Variants in SZT2 observed in about 807,000 individuals in gnomAD.
SZT2 encodes KICSTOR complex protein SZT2.
SZT2 carries 216 observed loss-of-function variants against 404.2 expected under a neutral mutation model. The observed-to-expected ratio is 0.53, with a 90% CI of 0.48 to 0.60. The LOEUF (loss-of-function observed/expected upper bound fraction) is 0.60, where lower values mean the gene tolerates loss of function less well. Ranked by LOEUF, SZT2 falls within the 20% of genes least tolerant of loss-of-function variation. The pLI is 0.00. For synonymous variants in SZT2, 1,693 were observed against 1,749.9 expected (o/e 0.97, Z 0.81); for missense variants, 3,857 against 4,459.2 (o/e 0.86, Z 3.85).
rs1655126993 is a variant in SZT2, at chr1:43,442,142, G to T, written c.7873+12G>T. On this transcript the variant is annotated intron_variant, in intron 56 of 71. Coordinates refer to ENST00000634258, the MANE Select transcript of SZT2 (RefSeq NM_001365999.1). This position sits in a 1 kb window ranked among gnomAD's most constrained non-coding sequence, Gnocchi z 4.5. The stretch of plus-strand genomic sequence containing the variant: ...ACCAACACAGCAGGGTGAGGGCATG[G>T]CCCGGGGGGGCGGGGGGCGGGTAGG... 9.9e-7 allele frequency: 1 copy of T among 1,007,310 alleles called. No homozygotes were observed. Among genetic ancestry groups the T allele is most frequent in the East Asian group, 4.7e-5 (1 of 21,220 alleles). The allele number at this position is 1,007,310 out of a possible 1,614,324, so 62.4% of individuals were successfully genotyped here. A position where few individuals can be genotyped will look rare whatever the true frequency, so the allele number is the denominator to read the frequency against.
intron 13 of SZT2, 38 bp downstream of exon 13, chr1:43,422,670 A>G (rs764941199): frequency 2.0e-5 from 10 of 511,280 alleles, no homozygotes; most frequent in East Asian, 1.5e-4. Context: ...CCGCCCCCCC[A>G]CCCCCCCGCC....
Position 43,424,041 on chromosome 1 carries a change from G to A in SZT2, c.2256-176G>A, listed in dbSNP as rs780102137. On this transcript the variant is annotated intron_variant, in intron 15 of 71. Coordinates refer to ENST00000634258, the MANE Select transcript of SZT2 (RefSeq NM_001365999.1). The surrounding 1 kb of genome is among the most constrained non-coding windows in gnomAD (Gnocchi z 4.1). ...GTGGTACAGAGGTGTGGAAGGGCGT[G>A]GCTTAGCCGGGTATGAGTGGTACAG... Among the ~76,000 whole-genome samples, 1 of 151,306 alleles carries A rather than the reference G, an allele frequency of 6.6e-6. No homozygotes were observed. Among genetic ancestry groups the A allele is most frequent in the African/African-American group, 2.4e-5 (1 of 41,054 alleles).
chr1:43,425,213 A>T lies in SZT2; in HGVS notation c.2645+6A>T, dbSNP rs1371452035. 6.2e-7 allele frequency: 1 copy of T among 1,614,108 alleles called. No individual in the cohort carries two copies. Among genetic ancestry groups the T allele is most frequent in the East Asian group, 2.2e-5 (1 of 44,882 alleles). ...TCTACCTCCACCAAAGACAGGTGAG[A>T]CAGGCCATCTGTGAGGGCCGCCTCT... On this transcript the variant is annotated splice_donor_region_variant and intron_variant, in intron 18 of 71. Coordinates refer to ENST00000634258, the MANE Select transcript of SZT2 (RefSeq NM_001365999.1). The surrounding 1 kb of genome is among the most constrained non-coding windows in gnomAD (Gnocchi z 4.3).
At position 43,437,908 on chromosome 1, in the gene SZT2, G is replaced by C. The variant is rs778225727; in HGVS notation, c.6508+6G>C. On this transcript the variant is annotated splice_donor_region_variant and intron_variant, in intron 46 of 71. Coordinates refer to ENST00000634258, the MANE Select transcript of SZT2 (RefSeq NM_001365999.1). The surrounding 1 kb of genome is among the most constrained non-coding windows in gnomAD (Gnocchi z 5.3). ...CCATGGTGTTGGGCAGGCAGGTAAG[G>C]TCTGAGGAGGGGGTAGGGGAGTCGC... 46 of 1,613,930 alleles carry C rather than the reference G, an allele frequency of 2.9e-5. No homozygotes were observed. Among genetic ancestry groups the C allele is most frequent in the Non-Finnish European group, 3.9e-5 (46 of 1,180,006 alleles).
At chr1:43,401,176 C>T (rs536951770) in intron 1 of SZT2, among the ~76,000 whole-genome samples, 15 of 152,286 alleles carry the variant, frequency 9.8e-5, no homozygotes, top group African/African-American at 3.4e-4. Context: ...CTGCCCACCT[C>T]AATCTCCCAA....
In SZT2 at chr1:43,425,730, G is replaced by C; in HGVS notation, c.2814+88G>C. The C allele has an allele frequency of 1.3e-6, 2 of 1,596,014 alleles. No individual in the cohort carries two copies. The highest frequency in any genetic ancestry group is 2.2e-5 in the South Asian group (2 of 89,860). On this transcript the variant is annotated intron_variant, in intron 19 of 71. Transcript: ENST00000634258. This position sits in a 1 kb window ranked among gnomAD's most constrained non-coding sequence, Gnocchi z 4.3. ...AGTACTGCAGTCTGTGGGCTTCCTGGTCCCTCTGAATGGCTGGGACTGTTG... is the reference window on the plus strand; with the variant it reads ...AGTACTGCAGTCTGTGGGCTTCCTGCTCCCTCTGAATGGCTGGGACTGTTG...
At chr1:43,395,672 A>G (rs1406264675) in intron 1 of SZT2, among the ~76,000 whole-genome samples, 1 of 152,202 alleles carries the variant, frequency 6.6e-6, no homozygotes, top group East Asian at 1.9e-4. Flanking sequence ...TACAATAGTC[A>G]CAGTGATTAT....
intron 1 of SZT2, among the ~76,000 whole-genome samples, chr1:43,397,744 G>C (rs971304543): frequency 6.6e-6 from 1 of 152,056 alleles, no homozygotes; most frequent in Non-Finnish European, 1.5e-5. Context: ...GGCCAGGCTG[G>C]TCTCGAGCTC....
In SZT2 at chr1:43,452,814, C is replaced by A; in HGVS notation, c.*2334C>A. On this transcript the variant is annotated 3_prime_UTR_variant, in exon 72 of 72. Coordinates refer to ENST00000634258, the MANE Select transcript of SZT2 (RefSeq NM_001365999.1). ...CATTTGAATCAGCCCCACTTTGAGC[C>A]GTCCACCTCCTCCCATCATCCCCTG... 1 of 1,381,062 alleles carries A rather than the reference C, an allele frequency of 7.2e-7. No homozygotes were observed. Among genetic ancestry groups the A allele is most frequent in the South Asian group, 1.3e-5 (1 of 79,586 alleles). 85.6% of individuals were successfully genotyped at this position (1,381,062 alleles called of 1,614,324 possible).
intron 1 of SZT2, among the ~76,000 whole-genome samples, chr1:43,393,800 C>T (rs1050626619): frequency 3.9e-5 from 6 of 152,194 alleles, no homozygotes; most frequent in Admixed American, 6.5e-5. Flanking sequence ...ATGTTTTATT[C>T]ATCTTGGTAT....
chr1:43,453,851 C>T lies in SZT2; in HGVS notation c.*3371C>T, dbSNP rs980563831. On this transcript the variant is annotated 3_prime_UTR_variant, in exon 72 of 72. Coordinates refer to ENST00000634258, the MANE Select transcript of SZT2 (RefSeq NM_001365999.1). The stretch of plus-strand genomic sequence containing the variant: ...GGATCCAAAGGCGGCGGGCGGCGGG[C>T]GGCGGGCGGCGGGCGGGGGCGGGGC... 1,408 of 1,080,102 alleles carry T rather than the reference C, an allele frequency of 1.3e-3. 1 individual carries two copies. The highest frequency in any genetic ancestry group is 4.7e-3 in the Middle Eastern group (13 of 2,756). 66.9% of individuals were successfully genotyped at this position (1,080,102 alleles called of 1,614,324 possible). A position where few individuals can be genotyped will look rare whatever the true frequency, so the allele number is the denominator to read the frequency against.
At chr1:43,406,719 A>T (rs1650360719) in intron 4 of SZT2, 1 of 152,236 alleles carries the variant, frequency 6.6e-6, no homozygotes, top group Admixed American at 6.5e-5. Context: ...CTGGATCTGG[A>T]ATCACATTGC....
In SZT2 at chr1:43,423,143, C is replaced by T. The variant is rs369851351; in HGVS notation, c.2082C>T (p.Pro694=). ...AAGAGATCCTGCGGCTGCGTTTCCC[C>T]CACCGGGTACAAAGCAAGGAGCCAA... ...LREEILRLRF[P]HRVQSKEPTP... Residue 694 remains proline, a synonymous_variant, in exon 15 of 72, where the codon CCC becomes CCT. Transcript: ENST00000634258. 8 of 1,596,798 alleles carry T rather than the reference C, an allele frequency of 5.0e-6. No individual in the cohort carries two copies. The highest frequency in any genetic ancestry group is 5.9e-6 in the Non-Finnish European group (7 of 1,179,154).
At position 43,450,623 on chromosome 1, in the gene SZT2, C is replaced by T. The variant is rs1047822776; in HGVS notation, c.*143C>T. On this transcript the variant is annotated 3_prime_UTR_variant, in exon 72 of 72. Transcript: ENST00000634258. This position sits in a 1 kb window ranked among gnomAD's most constrained non-coding sequence, Gnocchi z 4.3. ...GACACCAAAGGCTTTGTAACTATGT[C>T]TTGAGGGTCTGCTGCCCCAGCCTGG... The T allele has an allele frequency of 1.1e-5, 14 of 1,266,008 alleles. No individual in the cohort carries two copies. The African/African-American group carries it at 1.9e-4, about 18-fold the overall frequency. 78.4% of individuals were successfully genotyped at this position (1,266,008 alleles called of 1,614,324 possible).
At position 43,443,022 on chromosome 1, in the gene SZT2, ACCT is replaced by A. The variant is rs1655245110; in HGVS notation, c.8359_8361del (p.Pro2787del). ...GCTCCGTACTTGGTCCTGTGCCCAG[ACCT>A]CCTGATCCTGTCACCTACCATGGAC... On this transcript the variant is annotated inframe_deletion, in exon 59 of 72. Transcript: ENST00000634258. 6.2e-7 allele frequency: 1 copy of A among 1,613,832 alleles called. No individual in the cohort carries two copies. The highest frequency in any genetic ancestry group is 1.1e-5 in the South Asian group (1 of 91,072).
chr1:43,451,505 G>T lies in SZT2; in HGVS notation c.*1025G>T, dbSNP rs755520098. The T allele has an allele frequency of 6.2e-7, 1 of 1,614,156 alleles. No homozygotes were observed. The highest frequency in any genetic ancestry group is 1.1e-5 in the South Asian group (1 of 91,082). ...GAAATTCAGCTCTCCGGGGCTGCTG[G>T]GCTCCCCTCGGCCTGGGACCTGTGC... On this transcript the variant is annotated 3_prime_UTR_variant, in exon 72 of 72. Transcript: ENST00000634258.
rs377170811 is a variant in SZT2, at chr1:43,453,466, C to A, written c.*2986C>A. 37 of 1,561,718 alleles carry A rather than the reference C, an allele frequency of 2.4e-5. No individual in the cohort carries two copies. In the African/African-American group the frequency reaches 4.9e-4, roughly 21 times the overall value. ...AGGCCGCCTGTCTCCCGGGGACGGC[C>A]CCCAGCCCCATTTCCCCCTTCTCTT... is the stretch of plus-strand genomic sequence containing the variant. On this transcript the variant is annotated 3_prime_UTR_variant, in exon 72 of 72. Coordinates refer to ENST00000634258, the MANE Select transcript of SZT2 (RefSeq NM_001365999.1).
At position 43,442,934 on chromosome 1, in the gene SZT2, C is replaced by T. The variant is rs749194598; in HGVS notation, c.8267C>T (p.Pro2756Leu). The T allele has an allele frequency of 1.9e-6, 3 of 1,614,104 alleles. No homozygotes were observed. The highest frequency in any genetic ancestry group is 2.5e-6 in the Non-Finnish European group (3 of 1,179,980). The change falls in exon 59 of 72, where the codon CCT becomes CTT. Residue 2756 changes from proline (P) to leucine (L), a missense_variant. Coordinates refer to ENST00000634258, the MANE Select transcript of SZT2 (RefSeq NM_001365999.1). This position sits in a 1 kb window ranked among gnomAD's most constrained non-coding sequence, Gnocchi z 4.5. ...AGTGGGTCCTCTCGTGGTGGGGGTCCTCTTCCCCTGGACACATTCCCCTTT... is the reference window on the plus strand; with the variant it reads ...AGTGGGTCCTCTCGTGGTGGGGGTCTTCTTCCCCTGGACACATTCCCCTTT... ...RLSGSSRGGG[P>L]LPLDTFPFDE...
intron 1 of SZT2, 65 bp from the exon 2 acceptor site, chr1:43,403,112 G>C (rs1649878165): frequency 6.4e-7 from 1 of 1,565,676 alleles, no homozygotes; most frequent in South Asian, 1.2e-5. Flanking sequence ...TTTGGACAGT[G>C]ATCTGTGTGT....
Sources: allele counts gnomAD v4.1 joint callset (sites outside exome capture counted in the v4.1 genomes callset), GRCh38; gene constraint gnomAD v4.1.1; non-coding constraint Gnocchi (gnomAD v3.1); transcripts MANE v1.5; gene names NCBI Gene and HGNC (gene_info 2026-07-23, HGNC 2026-07-21).